PRKCA: variants seen among roughly 807,000 people sequenced by gnomAD.
PRKCA encodes protein kinase C alpha type.
In PRKCA, 27 loss-of-function variants were observed where a neutral mutation model predicts 87.0. The ratio of observed to expected loss-of-function variants is 0.31; its 90% CI spans 0.23 to 0.43. The LOEUF (loss-of-function observed/expected upper bound fraction) is 0.43. Among genes scored for constraint, PRKCA ranks in the 20% least tolerant of loss-of-function variants. The pLI is 1.00. For synonymous variants in PRKCA, 329 were observed against 311.1 expected, an observed-to-expected ratio of 1.06 and a Z score of -0.61; for missense variants, 518 against 852.3, an observed-to-expected ratio of 0.61 and a Z score of 4.88.
At chr17:66,552,717 G>A (rs1027013983) in intron 3 of PRKCA, among the ~76,000 whole-genome samples, 14 of 152,120 alleles carry the variant, frequency 9.2e-5, no homozygotes, top group African/African-American at 3.4e-4. Context: ...GTGACAACCT[G>A]ACATTTTCAC....
chr17:66,738,489 G>A (rs990104380), intron 10 of PRKCA, among the ~76,000 whole-genome samples: 2 of 152,196 alleles, frequency 1.3e-5, no homozygotes, highest in East Asian at 1.9e-4. Context: ...GTTCAAGGCC[G>A]TTACTATAAT....
chr17:66,489,911 G>A (rs1228328373), intron 2 of PRKCA, among the ~76,000 whole-genome samples: 1 of 151,850 alleles, frequency 6.6e-6, no homozygotes, highest in African/African-American at 2.4e-5. Flanking sequence ...CACCCAAGTA[G>A]CTGGGATTAC....
chr17:66,381,683 G>A (rs1909782314), intron 2 of PRKCA, among the ~76,000 whole-genome samples: 1 of 152,150 alleles, frequency 6.6e-6, no homozygotes, highest in African/African-American at 2.4e-5. Flanking sequence ...AACACATAAA[G>A]CTAAAATTTA....
At chr17:66,688,206 A>G (rs1336023296) in intron 6 of PRKCA, 96 bp from the exon 7 acceptor site, 19 of 1,463,304 alleles carry the variant, frequency 1.3e-5, no homozygotes, top group Non-Finnish European at 9.2e-7. Flanking sequence ...CAAATATACT[A>G]TTTCTTTATC....
intron 2 of PRKCA, chr17:66,403,689 G>A (rs1911172457): frequency 6.6e-6 from 1 of 151,948 alleles, no homozygotes; most frequent in African/African-American, 2.4e-5. Flanking sequence ...TGAAGGAGAA[G>A]GCATACAATA....
At chr17:66,694,791 A>G (rs80086133) in intron 8 of PRKCA, among the ~76,000 whole-genome samples, 2 of 132,820 alleles carry the variant, frequency 1.5e-5, no homozygotes, top group Non-Finnish European at 3.2e-5. Context: ...AAAAAAAAAA[A>G]GGTATCTTCT....
chr17:66,527,848 A>G (rs866926881), intron 3 of PRKCA, among the ~76,000 whole-genome samples: 3 of 152,216 alleles, frequency 2.0e-5, no homozygotes, highest in Admixed American at 6.5e-5. Flanking sequence ...TTTAAAAACA[A>G]TAATCTTGGT....
intron 3 of PRKCA, among the ~76,000 whole-genome samples, chr17:66,554,065 G>T (rs1458503017): frequency 1.3e-5 from 2 of 152,120 alleles, no homozygotes; most frequent in Non-Finnish European, 2.9e-5. Flanking sequence ...ACCAGACATT[G>T]GCATGAAGAG....
chr17:66,590,729 A>G (rs1969776003), intron 3 of PRKCA, among the ~76,000 whole-genome samples: 1 of 152,162 alleles, frequency 6.6e-6, no homozygotes, highest in South Asian at 2.1e-4. Context: ...GGGTGCCTAT[A>G]ATCCCAGCTA....
rs564157355 is a variant in PRKCA at position 66,455,972 on chromosome 17, A to G, written c.206-40229A>G. On this transcript the variant is annotated intron_variant, in intron 2 of 16. Transcript: ENST00000413366. Reference sequence around the variant, plus strand: ...AGATGTAAATAGTTAAGGTGGTGGTAGATTAGGGTAGACACTAAATCCATT... The same window carrying G: ...AGATGTAAATAGTTAAGGTGGTGGTGGATTAGGGTAGACACTAAATCCATT... Among the ~76,000 whole-genome samples the G allele has an allele frequency of 1.9e-4, 29 of 152,240 alleles. No homozygotes were observed. In the East Asian group the frequency reaches 4.8e-3, roughly 25 times the overall value.
intron 2 of PRKCA, among the ~76,000 whole-genome samples, chr17:66,365,785 G>T (rs1908680696): frequency 6.6e-6 from 1 of 152,166 alleles, no homozygotes; most frequent in African/African-American, 2.4e-5. Flanking sequence ...TTAAGCAGAA[G>T]TATTAAACGC....
intron 13 of PRKCA, among the ~76,000 whole-genome samples, chr17:66,750,942 C>T (rs1449830191): frequency 6.6e-6 from 1 of 152,212 alleles, no homozygotes; most frequent in Non-Finnish European, 1.5e-5. Flanking sequence ...ACCCAAGCAA[C>T]ATGTCACTCC....
intron 13 of PRKCA, among the ~76,000 whole-genome samples, chr17:66,761,780 C>T (rs1483927332): frequency 6.6e-6 from 1 of 152,018 alleles, no homozygotes; most frequent in Non-Finnish European, 1.5e-5. Flanking sequence ...ATATTGTAGT[C>T]ATTTCCCATG....
intron 5 of PRKCA, among the ~76,000 whole-genome samples, chr17:66,682,544 C>T (rs1024135803): frequency 6.6e-6 from 1 of 152,210 alleles, no homozygotes; most frequent in African/African-American, 2.4e-5. Context: ...GGGCAGACCT[C>T]GGGGAGCAGT....
intron 3 of PRKCA, among the ~76,000 whole-genome samples, chr17:66,593,666 C>A (rs115074813): frequency 6.6e-6 from 1 of 152,210 alleles, no homozygotes; most frequent in Admixed American, 6.5e-5. Flanking sequence ...TCCATTCTTT[C>A]TGTCTAGCAG....
intron 3 of PRKCA, among the ~76,000 whole-genome samples, chr17:66,579,100 ACAGT>A (rs1645635816): frequency 6.6e-6 from 1 of 152,198 alleles, no homozygotes; most frequent in African/African-American, 2.4e-5. Flanking sequence ...TAGTCAGTAC[ACAGT>A]CAGCCCCTGC....
At chr17:66,490,398 C>T (rs888844316) in intron 2 of PRKCA, among the ~76,000 whole-genome samples, 1 of 149,522 alleles carries the variant, frequency 6.7e-6, no homozygotes, top group Non-Finnish European at 1.5e-5. Context: ...TGCTGGAGTG[C>T]AATGGCAGGA....
intron 3 of PRKCA, among the ~76,000 whole-genome samples, chr17:66,630,532 C>A (rs903311352): frequency 9.2e-5 from 14 of 152,216 alleles, no homozygotes; most frequent in Admixed American, 5.9e-4. Context: ...TCAGTTTCAC[C>A]TCTTGCTTTT....
At chr17:66,636,872 T>C (rs1184401931) in intron 3 of PRKCA, among the ~76,000 whole-genome samples, 1 of 152,190 alleles carries the variant, frequency 6.6e-6, no homozygotes, top group Non-Finnish European at 1.5e-5. Context: ...TAAGTGCTCT[T>C]CTCATAGGAG....
Sources: allele counts gnomAD v4.1 joint callset (sites outside exome capture counted in the v4.1 genomes callset), GRCh38; gene constraint gnomAD v4.1.1; transcripts MANE v1.5; gene names NCBI Gene and HGNC (gene_info 2026-07-23, HGNC 2026-07-21).